Variants in HECW1 observed in about 807,000 individuals in gnomAD.
The protein encoded by HECW1 is HECT, C2 and WW domain containing E3 ubiquitin protein ligase 1, also known as E3 ubiquitin-protein ligase HECW1.
Under a neutral mutation model 182.3 loss-of-function variants are expected in HECW1, and 61 were observed. The observed-to-expected ratio is 0.33, with a 90% confidence interval of 0.27 to 0.41. HECW1 has a LOEUF of 0.41. Ranked by LOEUF, HECW1 falls within the 10% of genes least tolerant of loss-of-function variation. The pLI is 1.00. For missense variants in HECW1, 1,739 were observed against 2,108.9 expected (o/e 0.82, Z 3.44); for synonymous variants, 859 against 832.6 (o/e 1.03, Z -0.55).
intron 3 of HECW1, 62 bp from the exon 4 acceptor site, chr7:43,311,701 G>C: frequency 6.7e-7 from 1 of 1,489,388 alleles, no homozygotes. Context: ...GTTTTCGTGT[G>C]ATGACGGTGA....
rs534957279 is a variant in HECW1 at position 43,386,257 on chromosome 7, A to G, written c.556-10557A>G. Among the ~76,000 whole-genome samples the G allele has an allele frequency of 1.3e-4, 20 of 152,344 alleles. No individual in the cohort carries two copies. The South Asian group carries it at 3.1e-3, about 24-fold the overall frequency. ...TAATGTCCCTTTGTTAAAGTCAGCT[A>G]TCCTGATTCCAGAGTAATTCACAGT... On this transcript the variant is annotated intron_variant, in intron 6 of 29. Coordinates refer to ENST00000395891, the MANE Select transcript of HECW1 (RefSeq NM_015052.5).
chr7:43,469,045 C>T lies in HECW1; in HGVS notation c.3039C>T (p.Phe1013=), dbSNP rs376467156. 90 of 1,614,190 alleles carry T rather than the reference C, an allele frequency of 5.6e-5. No homozygotes were observed. The African/African-American group carries it at 7.5e-4, about 13-fold the overall frequency. ...ACTTGGTGAATTTCATCAACATGTTCGCAGACACTCGGCTGGAACTGCCCC... is the reference window on the plus strand; with the variant it reads ...ACTTGGTGAATTTCATCAACATGTTTGCAGACACTCGGCTGGAACTGCCCC... ...NRDLVNFINM[F]ADTRLELPRG... The change falls in exon 16 of 30, where the codon TTC becomes TTT. Residue 1013 remains phenylalanine, a synonymous_variant. Coordinates refer to ENST00000395891, the MANE Select transcript of HECW1 (RefSeq NM_015052.5).
chr7:43,412,881 C>A (rs1216077481), intron 8 of HECW1, among the ~76,000 whole-genome samples: 1 of 148,690 alleles, frequency 6.7e-6, no homozygotes, highest in Non-Finnish European at 1.5e-5. Context: ...GGTTCCAAGT[C>A]TTTGCTATTG....
At chr7:43,345,239 A>C (rs1813527738) in intron 5 of HECW1, among the ~76,000 whole-genome samples, 1 of 152,182 alleles carries the variant, frequency 6.6e-6, no homozygotes, top group Non-Finnish European at 1.5e-5. Context: ...CCAAGTTAAC[A>C]TTAGGGTAGA....
chr7:43,312,928 C>T (rs571514294), intron 4 of HECW1, among the ~76,000 whole-genome samples: 3 of 152,226 alleles, frequency 2.0e-5, no homozygotes, highest in African/African-American at 2.4e-5. Flanking sequence ...CCGGGTCATC[C>T]GAGGCCAGGC....
In HECW1 at chr7:43,423,755, G is replaced by A. The variant is rs1199254157; in HGVS notation, c.802-14248G>A. Among the ~76,000 whole-genome samples the A allele has an allele frequency of 4.6e-5, 7 of 152,308 alleles. No individual in the cohort carries two copies. The South Asian group carries it at 6.2e-4, about 14-fold the overall frequency. On this transcript the variant is annotated intron_variant, in intron 8 of 29. Transcript: ENST00000395891. ...TCCACATTTAGTGAAATCAGCCATCGAGGGAGTATTTACACCAAGAAAATT... is the reference window on the plus strand; with the variant it reads ...TCCACATTTAGTGAAATCAGCCATCAAGGGAGTATTTACACCAAGAAAATT...
At chr7:43,451,379 C>T (rs1329835762) in intron 12 of HECW1, among the ~76,000 whole-genome samples, 3 of 152,208 alleles carry the variant, frequency 2.0e-5, no homozygotes, top group African/African-American at 7.2e-5. Flanking sequence ...TGAACTTGTA[C>T]TTTCCTTACT....
intron 2 of HECW1, among the ~76,000 whole-genome samples, chr7:43,156,621 G>A (rs1330310990): frequency 6.6e-6 from 1 of 152,188 alleles, no homozygotes; most frequent in Admixed American, 6.5e-5. Flanking sequence ...ATTAACAAGT[G>A]CTAATTAATA....
intron 17 of HECW1, among the ~76,000 whole-genome samples, chr7:43,489,305 A>G (rs1450135345): frequency 1.3e-5 from 2 of 152,238 alleles, no homozygotes; most frequent in African/African-American, 2.4e-5. Flanking sequence ...GCAAACTGGC[A>G]TGATTCCCTC....
At chr7:43,130,461 C>T (rs1311474434) in intron 2 of HECW1, among the ~76,000 whole-genome samples, 1 of 152,186 alleles carries the variant, frequency 6.6e-6, no homozygotes. Flanking sequence ...ATCTCAGGCA[C>T]CCATGTGGAC....
intron 2 of HECW1, among the ~76,000 whole-genome samples, chr7:43,159,678 C>CTTTTTTT (rs36117153): frequency 1.6e-5 from 2 of 123,754 alleles, no homozygotes; most frequent in Non-Finnish European, 1.7e-5. Flanking sequence ...TTCCTTGTAT[C>CTTTTTTT]TTTTTTTTTT....
chr7:43,168,687 A>G (rs1791379897), intron 2 of HECW1, among the ~76,000 whole-genome samples: 1 of 152,142 alleles, frequency 6.6e-6, no homozygotes, highest in Non-Finnish European at 1.5e-5. Flanking sequence ...TAATAATAAT[A>G]GTATGTATTA....
rs542733708 is a variant in HECW1, at chr7:43,286,397, C to T, written c.28-25366C>T. On this transcript the variant is annotated intron_variant, in intron 3 of 29. Coordinates refer to ENST00000395891, the MANE Select transcript of HECW1 (RefSeq NM_015052.5). The stretch of plus-strand genomic sequence containing the variant: ...AGGCTAGCTTGGGTCCTCAAACCTT[C>T]AGAGATGTAGTGCAACCAGGATCGC... Among the ~76,000 whole-genome samples the T allele has an allele frequency of 1.3e-3, 204 of 152,278 alleles. 2 individuals carry two copies. The Middle Eastern group carries it at 0.031, about 23-fold the overall frequency.
At chr7:43,221,646 T>A (rs1352268220) in intron 2 of HECW1, among the ~76,000 whole-genome samples, 1 of 140,562 alleles carries the variant, frequency 7.1e-6, no homozygotes, top group African/African-American at 2.6e-5. Context: ...CTCCGCCTCC[T>A]GGATTCATGT....
chr7:43,291,362 T>C (rs1351920212), intron 3 of HECW1, among the ~76,000 whole-genome samples: 1 of 152,142 alleles, frequency 6.6e-6, no homozygotes, highest in African/African-American at 2.4e-5. Flanking sequence ...GTTTAAAACT[T>C]TTTTTAAATA....
intron 3 of HECW1, among the ~76,000 whole-genome samples, chr7:43,248,362 C>G (rs1477191527): frequency 6.6e-6 from 1 of 152,128 alleles, no homozygotes; most frequent in African/African-American, 2.4e-5. Flanking sequence ...ATCTTCCAAA[C>G]TGAAAACGAT....
At chr7:43,333,860 G>A (rs1463416901) in intron 5 of HECW1, among the ~76,000 whole-genome samples, 2 of 152,118 alleles carry the variant, frequency 1.3e-5, no homozygotes, top group Non-Finnish European at 2.9e-5. Context: ...TAATAAAGAG[G>A]TGGCAGAAAG....
intron 2 of HECW1, among the ~76,000 whole-genome samples, chr7:43,116,247 T>C (rs1244772844): frequency 6.6e-6 from 1 of 152,202 alleles, no homozygotes; most frequent in Non-Finnish European, 1.5e-5. Flanking sequence ...CCTTGAATGA[T>C]CTGGATTATC....
Position 43,500,734 on chromosome 7 carries a change from A to G in HECW1, c.3473A>G (p.His1158Arg). 1 of 1,613,890 alleles carries G rather than the reference A, an allele frequency of 6.2e-7. No homozygotes were observed. The highest frequency in any genetic ancestry group is 1.1e-5 in the South Asian group (1 of 91,078). The change falls in exon 20 of 30, where the codon CAC becomes CGC. Residue 1158 changes from histidine (H) to arginine (R), a missense_variant. Physicochemically the swap from His to Arg is conservative, Grantham distance 29. Transcript: ENST00000395891. ...KIHYIRTEGN[H>R]GLEKLSCDAD... ...CATTACATTCGGACTGAGGGTAATCACGGGCTTGAGAAGTTGTCCTGTGAT... is the reference window on the plus strand; with the variant it reads ...CATTACATTCGGACTGAGGGTAATCGCGGGCTTGAGAAGTTGTCCTGTGAT...
Sources: allele counts gnomAD v4.1 joint callset (sites outside exome capture counted in the v4.1 genomes callset), GRCh38; gene constraint gnomAD v4.1.1; transcripts MANE v1.5; gene names NCBI Gene and HGNC (gene_info 2026-07-23, HGNC 2026-07-21).